FBXO31: variants seen among roughly 807,000 people sequenced by gnomAD.
The protein encoded by FBXO31 is F-box protein 31.
In FBXO31, 24 loss-of-function variants were observed where a neutral mutation model predicts 54.4. The ratio of observed to expected loss-of-function variants is 0.44; its 90% CI spans 0.32 to 0.62. FBXO31 has a LOEUF of 0.62. FBXO31 is among the 20% of genes least tolerant of loss of function. The pLI, the probability that FBXO31 is intolerant of heterozygous loss-of-function variation, is 0.05. For synonymous variants in FBXO31, 388 were observed against 335.6 expected, an observed-to-expected ratio of 1.16 and a Z score of -1.71; for missense variants, 665 against 787.1, an observed-to-expected ratio of 0.84 and a Z score of 1.86.
chr16:87,360,856 G>A (rs968495280), intron 1 of FBXO31, among the ~76,000 whole-genome samples: 1 of 152,124 alleles, frequency 6.6e-6, no homozygotes, highest in Non-Finnish European at 1.5e-5. Flanking sequence ...TGGGGGAAGG[G>A]GTGAACATTG....
chr16:87,368,609 T>C (rs940114037), intron 1 of FBXO31, among the ~76,000 whole-genome samples: 5 of 151,362 alleles, frequency 3.3e-5, no homozygotes, highest in African/African-American at 1.2e-4. Flanking sequence ...AAAAGTTTCC[T>C]TACTAATCTA....
At chr16:87,331,585 G>T (rs769525442) in intron 8 of FBXO31, 75 bp from the exon 9 acceptor site, 5 of 1,249,670 alleles carry the variant, frequency 4.0e-6, no homozygotes, top group Non-Finnish European at 5.5e-6. Flanking sequence ...AGCATTCTGC[G>T]ACCCCGCTCT....
chr16:87,349,072 C>A (rs1030834526), intron 2 of FBXO31, among the ~76,000 whole-genome samples: 1 of 152,196 alleles, frequency 6.6e-6, no homozygotes, highest in African/African-American at 2.4e-5. Context: ...GACAAAAACT[C>A]CCCCAGCTAA....
intron 1 of FBXO31, chr16:87,367,529 A>G (rs1906420300): frequency 6.6e-6 from 1 of 152,196 alleles, no homozygotes; most frequent in African/African-American, 2.4e-5. Context: ...TAAGTACTTT[A>G]TCCTCTTCTT....
At chr16:87,357,856 C>T (rs938924520) in intron 2 of FBXO31, among the ~76,000 whole-genome samples, 3 of 151,116 alleles carry the variant, frequency 2.0e-5, no homozygotes, top group Non-Finnish European at 2.9e-5. Context: ...TTACTTGAAC[C>T]GAGGAGGCAG....
At chr16:87,334,812 A>G (rs1904992316) in intron 7 of FBXO31, among the ~76,000 whole-genome samples, 2 of 152,196 alleles carry the variant, frequency 1.3e-5, no homozygotes, top group South Asian at 4.1e-4. Context: ...GAGCCCTGGC[A>G]TGGGACAATG....
chr16:87,389,775 A>C (rs866810852), exon 1 of FBXO31: 11 of 152,200 alleles, frequency 7.2e-5, no homozygotes, highest in African/African-American at 2.7e-4. Context: ...ACAAACCAAC[A>C]GACTGTAGCC....
At chr16:87,347,394 A>G (rs1905437623) in intron 2 of FBXO31, 144 bp from the exon 3 acceptor site, 1 of 726,806 alleles carries the variant, frequency 1.4e-6, no homozygotes, top group Non-Finnish European at 2.5e-6. Flanking sequence ...CCAAGCCTCT[A>G]AAGATGTATC....
chr16:87,335,537 C>G lies in FBXO31; in HGVS notation c.843-80G>C. The G allele has an allele frequency of 3.8e-5, 20 of 524,020 alleles. No individual in the cohort carries two copies. The highest frequency in any genetic ancestry group is 6.2e-5 in the East Asian group (1 of 16,212). 32.5% of individuals were successfully genotyped at this position (524,020 alleles called of 1,614,324 possible). On this transcript the variant is annotated intron_variant, in intron 6 of 8. Coordinates refer to ENST00000311635, the MANE Select transcript of FBXO31 (RefSeq NM_024735.5). The surrounding 1 kb of genome is among the most constrained non-coding windows in gnomAD (Gnocchi z 5.7). ...GAACGCCCAAGGTGCCAGGGATGAG[C>G]TTTGCAGGGCGGGGTAGGGCGGGCA...
chr16:87,343,002 C>G, intron 4 of FBXO31, 51 bp from the exon 5 acceptor site: 1 of 1,497,212 alleles, frequency 6.7e-7, no homozygotes, highest in Non-Finnish European at 9.1e-7. Context: ...CAGAGTCCAT[C>G]ACAGCATCCC....
Position 87,363,242 on chromosome 16 carries a change from G to A in FBXO31, c.341-2876C>T, listed in dbSNP as rs190694028. Among the ~76,000 whole-genome samples, 987 of 152,174 alleles carry A rather than the reference G, an allele frequency of 6.5e-3. 9 individuals are homozygous for A. The highest frequency in any genetic ancestry group is 0.023 in the African/African-American group (937 of 41,498). ...TCTACTGAAAATACAAAATTAGCCGGGCATGGTGGTGCATGCCTGTAATCC... is the reference window on the plus strand; with the variant it reads ...TCTACTGAAAATACAAAATTAGCCGAGCATGGTGGTGCATGCCTGTAATCC... On this transcript the variant is annotated intron_variant, in intron 1 of 8. Coordinates refer to ENST00000311635, the MANE Select transcript of FBXO31 (RefSeq NM_024735.5).
chr16:87,384,283 T>C (rs568278952), upstream of FBXO31: 2 of 152,054 alleles, frequency 1.3e-5, no homozygotes, highest in South Asian at 2.1e-4. Context: ...TTTTGTCCAT[T>C]GAAACAACGC....
chr16:87,388,083 G>T (rs960927565), upstream of FBXO31, among the ~76,000 whole-genome samples: 2 of 152,146 alleles, frequency 1.3e-5, no homozygotes, highest in Non-Finnish European at 2.9e-5. Context: ...AAACAAACAG[G>T]CAAACAAAAA....
At chr16:87,389,707 G>T (rs1365677087) in intron 1 of FBXO31, 1 of 152,132 alleles carries the variant, frequency 6.6e-6, no homozygotes, top group Admixed American at 6.6e-5. Flanking sequence ...TTGTTGTTTG[G>T]CAGAAGGTAG....
At chr16:87,353,913 A>G (rs960542266) in intron 2 of FBXO31, among the ~76,000 whole-genome samples, 1 of 152,136 alleles carries the variant, frequency 6.6e-6, no homozygotes, top group African/African-American at 2.4e-5. Context: ...GCCCTGGCAG[A>G]CTCCCACACC....
At chr16:87,376,052 C>G (rs902697213) in intron 1 of FBXO31, among the ~76,000 whole-genome samples, 19 of 152,026 alleles carry the variant, frequency 1.2e-4, no homozygotes, top group African/African-American at 4.3e-4. Context: ...TATAAATAAC[C>G]ACCTCATTTC....
intron 2 of FBXO31, among the ~76,000 whole-genome samples, chr16:87,351,715 A>G (rs528484511): frequency 2.0e-5 from 3 of 152,276 alleles, no homozygotes; most frequent in African/African-American, 7.2e-5. Flanking sequence ...CTAAAAATAA[A>G]AAAATTAGCC....
Position 87,370,989 on chromosome 16 carries a change from A to C in FBXO31, c.341-10623T>G, listed in dbSNP as rs117393463. ...CCCGGGCTCCAAGAACAGCGCCCCA[A>C]CTGCGGCCCGGCACTCCCCAACACT... is the stretch of plus-strand genomic sequence containing the variant. On this transcript the variant is annotated intron_variant, in intron 1 of 8. Transcript: ENST00000311635. 0.014 allele frequency among the ~76,000 whole-genome samples: 2,189 copies of C among 152,250 alleles called. 130 individuals are homozygous for C. In the East Asian group the frequency reaches 0.2, roughly 14 times the overall value.
In FBXO31 at chr16:87,360,540, T is replaced by C. The variant is rs369621185; in HGVS notation, c.341-174A>G. Among the ~76,000 whole-genome samples, 4 of 152,352 alleles carry C rather than the reference T, an allele frequency of 2.6e-5. No homozygotes were observed. In the East Asian group the frequency reaches 7.7e-4, roughly 29 times the overall value. ...CTTCTCCACATTCAGTAAACACCCT[T>C]GTTCACCGATGAAGACATTATTCTA... On this transcript the variant is annotated intron_variant, in intron 1 of 8. Transcript: ENST00000311635.
Sources: allele counts gnomAD v4.1 joint callset (sites outside exome capture counted in the v4.1 genomes callset), GRCh38; gene constraint gnomAD v4.1.1; non-coding constraint Gnocchi (gnomAD v3.1); transcripts MANE v1.5; gene names NCBI Gene and HGNC (gene_info 2026-07-23, HGNC 2026-07-21).